Variants in USP34 observed in about 807,000 individuals in gnomAD.
USP34 encodes ubiquitin carboxyl-terminal hydrolase 34.
In USP34, 70 loss-of-function variants were observed where a neutral mutation model predicts 460.3. That is an observed-to-expected ratio of 0.15 (90% confidence interval 0.13 to 0.19). The LOEUF is 0.19. USP34 is among the 10% of genes least tolerant of loss of function. The pLI is 1.00. For synonymous variants in USP34, 1,647 were observed against 1,405.3 expected (o/e 1.17, Z -3.85); for missense variants, 3,985 against 4,236.2 (o/e 0.94, Z 1.65).
chr2:61,465,819 T>C (rs926600664), intron 1 of USP34, among the ~76,000 whole-genome samples: 2 of 151,248 alleles, frequency 1.3e-5, no homozygotes, highest in Non-Finnish European at 2.9e-5. Flanking sequence ...CTACTAAATA[T>C]ACAAAAAATT....
rs760218773 is a variant in USP34 at position 61,380,309 on chromosome 2, T to C, written c.874A>G (p.Met292Val). Residue 292 changes from methionine (M) to valine (V), a missense_variant, in exon 7 of 80, where the codon ATG becomes GTG. By Grantham distance (21) the Met-to-Val change is conservative. This residue lies in a region of USP34 where 70 missense variants were observed against 109.5 expected (regional missense o/e 0.64). Transcript: ENST00000398571. ...ACTGTGCTCCACATTAAGTCAGCCA[T>C]GTTACGAGCTGCACTCTGTCGTAAC... is the stretch of plus-strand genomic sequence containing the variant. ...QELRQSAARNMADLMWSTVKE... is the reference protein window; with the variant it reads ...QELRQSAARNVADLMWSTVKE... 1 of 1,614,148 alleles carries C rather than the reference T, an allele frequency of 6.2e-7. No homozygotes were observed. Among genetic ancestry groups the C allele is most frequent in the Non-Finnish European group, 8.5e-7 (1 of 1,179,978 alleles).
intron 75 of USP34, among the ~76,000 whole-genome samples, chr2:61,202,419 A>G (rs1271413340): frequency 1.3e-5 from 2 of 152,152 alleles, no homozygotes; most frequent in East Asian, 3.9e-4. Flanking sequence ...AGACGCCTAG[A>G]ACTCTGGAAG....
chr2:61,190,741 T>TA, intron 76 of USP34, 83 bp from the exon 77 acceptor site: 2 of 1,489,932 alleles, frequency 1.3e-6, no homozygotes, highest in Non-Finnish European at 1.8e-6. Context: ...AGAAAAAACA[T>TA]ACACTTGTGT....
intron 1 of USP34, among the ~76,000 whole-genome samples, chr2:61,442,758 C>T (rs1694999908): frequency 6.6e-6 from 1 of 152,164 alleles, no homozygotes; most frequent in African/African-American, 2.4e-5. Context: ...CACTGCTAGG[C>T]ATTTATCCAA....
At chr2:61,462,094 T>C (rs1695616934) in intron 1 of USP34, among the ~76,000 whole-genome samples, 1 of 151,228 alleles carries the variant, frequency 6.6e-6, no homozygotes, top group Admixed American at 6.6e-5. Flanking sequence ...CAAAAATTAG[T>C]CAGGCATGGT....
intron 29 of USP34, among the ~76,000 whole-genome samples, chr2:61,298,382 A>AC (rs1212948021): frequency 2.7e-5 from 4 of 145,726 alleles, no homozygotes; most frequent in Non-Finnish European, 4.5e-5. Context: ...AAAAAAAAAA[A>AC]AAAAAACTAG....
At chr2:61,271,219 G>A (rs369909838) in intron 41 of USP34, among the ~76,000 whole-genome samples, 9 of 152,128 alleles carry the variant, frequency 5.9e-5, no homozygotes, top group Non-Finnish European at 1.2e-4. Flanking sequence ...CAGGGGAATC[G>A]CTGGAACCTG....
At chr2:61,307,390 A>G (rs565993984) in intron 27 of USP34, among the ~76,000 whole-genome samples, 1 of 152,154 alleles carries the variant, frequency 6.6e-6, no homozygotes, top group South Asian at 2.1e-4. Flanking sequence ...GGTGCAGGAC[A>G]CCAACGTGGT....
chr2:61,270,932 T>C (rs748980192), intron 41 of USP34, among the ~76,000 whole-genome samples: 1 of 152,178 alleles, frequency 6.6e-6, no homozygotes, highest in Non-Finnish European at 1.5e-5. Flanking sequence ...TTTTTACTCA[T>C]ATTCTTTCCT....
intron 78 of USP34, 114 bp downstream of exon 78, chr2:61,190,157 C>T (rs543942729): frequency 1.1e-4 from 160 of 1,438,320 alleles, no homozygotes; most frequent in Middle Eastern, 1.9e-4. Context: ...TCGCACATGG[C>T]TTAAGAGTTT....
At chr2:61,202,993 T>A in intron 75 of USP34, 147 bp downstream of exon 75, 1 of 922,660 alleles carries the variant, frequency 1.1e-6, no homozygotes, top group African/African-American at 1.7e-5. Flanking sequence ...TTAATGAAAA[T>A]TAAAATGTTC....
intron 75 of USP34, among the ~76,000 whole-genome samples, chr2:61,202,625 G>A (rs1409885404): frequency 1.3e-5 from 2 of 152,048 alleles, no homozygotes; most frequent in Non-Finnish European, 1.5e-5. Flanking sequence ...CATCATCTCC[G>A]TTTTCAAGTT....
chr2:61,320,008 A>C (rs1690867211), intron 21 of USP34, among the ~76,000 whole-genome samples: 4 of 152,182 alleles, frequency 2.6e-5, no homozygotes, highest in Admixed American at 6.5e-5. Flanking sequence ...TGGTAGATGA[A>C]ATCAAGGACT....
In USP34 at chr2:61,420,850, A is replaced by AT. The variant is rs1370094570; in HGVS notation, c.44-18dup. 6.3e-7 allele frequency: 1 copy of AT among 1,588,290 alleles called. No individual in the cohort carries two copies. Among genetic ancestry groups the AT allele is most frequent in the South Asian group, 1.1e-5 (1 of 87,552 alleles). On this transcript the variant is annotated splice_polypyrimidine_tract_variant and intron_variant, in intron 1 of 79. Transcript: ENST00000398571. ...CATCTGATACTGAAATAAAAAAGAAATTTTAAAATTATGAATAATGCTAAA... is the reference window on the plus strand; with the variant it reads ...CATCTGATACTGAAATAAAAAAGAAATTTTTAAAATTATGAATAATGCTAAA...
chr2:61,301,312 T>C, intron 28 of USP34, 42 bp downstream of exon 28: 2 of 1,595,430 alleles, frequency 1.3e-6, no homozygotes, highest in East Asian at 2.2e-5. Context: ...CTGATGATTA[T>C]AAACAGATCA....
chr2:61,443,559 A>T (rs1055166903), intron 1 of USP34, among the ~76,000 whole-genome samples: 1 of 152,190 alleles, frequency 6.6e-6, no homozygotes, highest in Non-Finnish European at 1.5e-5. Flanking sequence ...TTACTAAATG[A>T]AAGAAACCAA....
intron 66 of USP34, among the ~76,000 whole-genome samples, chr2:61,220,860 G>C (rs1264504580): frequency 1.3e-5 from 2 of 152,210 alleles, no homozygotes; most frequent in African/African-American, 4.8e-5. Flanking sequence ...GCTGTGGAGA[G>C]TTTCTTCATG....
In USP34 at chr2:61,285,394, G is replaced by T. The variant is rs532446454; in HGVS notation, c.4750-437C>A. Among the ~76,000 whole-genome samples the T allele has an allele frequency of 2.0e-5, 3 of 151,636 alleles. No individual in the cohort carries two copies. The East Asian group carries it at 5.8e-4, about 29-fold the overall frequency. ...CCCATCTACTTTGGAGGCTGAGAAG[G>T]GAGGAACACCTGAGTCTGGGAGGCA... On this transcript the variant is annotated intron_variant, in intron 34 of 79. Coordinates refer to ENST00000398571, the MANE Select transcript of USP34 (RefSeq NM_014709.4).
At chr2:61,311,355 G>A (rs536239862) in intron 27 of USP34, among the ~76,000 whole-genome samples, 185 bp downstream of exon 27, 47 of 151,962 alleles carry the variant, frequency 3.1e-4, no homozygotes, top group African/African-American at 1.0e-3. Flanking sequence ...CCCAAATTCT[G>A]TTCTTTACCT....
Sources: allele counts gnomAD v4.1 joint callset (sites outside exome capture counted in the v4.1 genomes callset), GRCh38; gene constraint gnomAD v4.1.1; regional missense constraint gnomAD v4.1.1; transcripts MANE v1.5; gene names NCBI Gene and HGNC (gene_info 2026-07-23, HGNC 2026-07-21).